The following BSN variants were observed in gnomAD, a reference collection of about 807,000 sequenced individuals.
The protein encoded by BSN is protein bassoon.
BSN carries 57 observed loss-of-function variants against 264.8 expected under a neutral mutation model. The observed-to-expected ratio is 0.22, with a 90% CI of 0.17 to 0.27. The LOEUF (loss-of-function observed/expected upper bound fraction) is 0.27, where lower values mean the gene tolerates loss of function less well. Among genes scored for constraint, BSN ranks in the 10% least tolerant of loss-of-function variants. The pLI is 1.00. For missense variants in BSN, 4,615 were observed against 5,232.5 expected (o/e 0.88, Z 3.64); for synonymous variants, 2,059 against 2,137.3 (o/e 0.96, Z 1.01).
chr3:49,571,532 G>A (rs1183010822), intron 1 of BSN, among the ~76,000 whole-genome samples: 1 of 152,148 alleles, frequency 6.6e-6, no homozygotes, highest in Non-Finnish European at 1.5e-5. Context: ...AAGAGCCCAG[G>A]ACTCATAGGA....
intron 2 of BSN, among the ~76,000 whole-genome samples, chr3:49,630,334 G>A (rs935743803): frequency 2.6e-5 from 4 of 152,248 alleles, no homozygotes; most frequent in African/African-American, 9.6e-5. Context: ...TGGATCTCCA[G>A]GTGGCAGGCC....
At chr3:49,658,248 G>A (rs778166233) in intron 5 of BSN, 52 bp downstream of exon 5, 61 of 1,479,218 alleles carry the variant, frequency 4.1e-5, no homozygotes, top group South Asian at 8.5e-5. Context: ...TGCCTAGCCC[G>A]AGGGGCCCCC....
intron 1 of BSN, among the ~76,000 whole-genome samples, chr3:49,570,950 A>G (rs1430251803): frequency 3.3e-5 from 5 of 152,174 alleles, no homozygotes; most frequent in Non-Finnish European, 7.4e-5. Flanking sequence ...TGTGAAATGG[A>G]GTGGAAGTGA....
intron 1 of BSN, among the ~76,000 whole-genome samples, chr3:49,607,030 G>A (rs1228349115): frequency 1.3e-5 from 2 of 152,164 alleles, no homozygotes; most frequent in Non-Finnish European, 2.9e-5. Context: ...CAGCAGGGCT[G>A]TGCAGACCCC....
chr3:49,652,402 G>A lies in BSN; in HGVS notation c.2846G>A (p.Gly949Asp). The stretch of plus-strand genomic sequence containing the variant: ...AGTTATGGTCATGAGTTGGACCTGG[G>A]CCAAGGCCCAGACCCCAGTCTGGAC... ...TGSYGHELDL[G>D]QGPDPSLDRE... The change falls in exon 5 of 12, where the codon GGC becomes GAC. Residue 949 changes from glycine (G) to aspartate (D), a missense_variant. By Grantham distance (94) the Gly-to-Asp change is moderately conservative. Transcript: ENST00000296452. 1 of 1,609,916 alleles carries A rather than the reference G, an allele frequency of 6.2e-7. No homozygotes were observed. Among genetic ancestry groups the A allele is most frequent in the Non-Finnish European group, 8.5e-7 (1 of 1,178,046 alleles).
chr3:49,603,020 A>G (rs1278426986), intron 1 of BSN, among the ~76,000 whole-genome samples: 1 of 152,212 alleles, frequency 6.6e-6, no homozygotes, highest in East Asian at 1.9e-4. Context: ...CTGGCACTTC[A>G]TGCTTGGCCA....
At chr3:49,568,540 T>G (rs2051772044) in intron 1 of BSN, among the ~76,000 whole-genome samples, 1 of 152,236 alleles carries the variant, frequency 6.6e-6, no homozygotes, top group Non-Finnish European at 1.5e-5. Flanking sequence ...TACCTTTCTT[T>G]TTTATGTAAA....
Position 49,655,540 on chromosome 3 carries a change from A to G in BSN, c.5984A>G (p.Asn1995Ser), listed in dbSNP as rs774448685. ...SDTNLAEAGLNYHAQRIGQLF... is the reference protein window; with the variant it reads ...SDTNLAEAGLSYHAQRIGQLF... ...ACCAATTTGGCTGAGGCTGGCCTCA[A>G]CTACCATGCCCAGAGGATCGGGCAG... Residue 1995 changes from asparagine to serine, a missense_variant, in exon 5 of 12, where the codon AAC becomes AGC. Physicochemically the swap from Asn to Ser is conservative, Grantham distance 46 (BLOSUM62 1). Around this residue, in one of 3 missense-constraint regions of BSN, gnomAD observed 3,415 missense variants for 3,866.4 expected, o/e 0.88. Coordinates refer to ENST00000296452, the MANE Select transcript of BSN (RefSeq NM_003458.4). 39 of 1,612,506 alleles carry G rather than the reference A, an allele frequency of 2.4e-5. No homozygotes were observed. Among genetic ancestry groups the G allele is most frequent in the Non-Finnish European group, 6.8e-6 (8 of 1,179,410 alleles).
intron 1 of BSN, among the ~76,000 whole-genome samples, chr3:49,589,025 C>T (rs1175102701): frequency 6.6e-6 from 1 of 151,574 alleles, no homozygotes; most frequent in African/African-American, 2.4e-5. Context: ...CGCCATTCTC[C>T]TGCCTCAGCC....
rs2052582863 is a variant in BSN at position 49,654,902 on chromosome 3, G to T, written c.5346G>T (p.Gln1782His). 1 of 1,613,118 alleles carries T rather than the reference G, an allele frequency of 6.2e-7. No homozygotes were observed. Among genetic ancestry groups the T allele is most frequent in the Non-Finnish European group, 8.5e-7 (1 of 1,179,726 alleles). ...AQVKQVEQAV[Q>H]TAPYRSGPRG... Reference sequence around the variant, plus strand: ...TCAAACAAGTAGAGCAGGCTGTCCAGACAGCCCCATACCGAAGTGGGCCCC... The same window carrying T: ...TCAAACAAGTAGAGCAGGCTGTCCATACAGCCCCATACCGAAGTGGGCCCC... The change falls in exon 5 of 12, where the codon CAG (glutamine) becomes CAT (histidine). Residue 1782 changes from glutamine to histidine, a missense_variant. By Grantham distance (24) the Gln-to-His change is conservative. Coordinates refer to ENST00000296452, the MANE Select transcript of BSN (RefSeq NM_003458.4). The surrounding 1 kb of genome is among the most constrained non-coding windows in gnomAD (Gnocchi z 4.1).
Position 49,660,533 on chromosome 3 carries a change from A to G in BSN, c.8688A>G (p.Thr2896=), listed in dbSNP as rs753127232. Residue 2896 remains threonine (T), a synonymous_variant, in exon 6 of 12, where the codon ACA becomes ACG. Transcript: ENST00000296452. The surrounding 1 kb of genome is among the most constrained non-coding windows in gnomAD (Gnocchi z 7.1). ...GCCTGGTCCGCAAGGTGAAGCGGACACTGCCCAGCCCCCCTCCAGAGGAGG... is the reference window on the plus strand; with the variant it reads ...GCCTGGTCCGCAAGGTGAAGCGGACGCTGCCCAGCCCCCCTCCAGAGGAGG... ...PNSLVRKVKR[T]LPSPPPEEAH... 1.7e-5 allele frequency: 27 copies of G among 1,559,116 alleles called. No homozygotes were observed. In the South Asian group the frequency reaches 2.7e-4, roughly 15 times the overall value.
At chr3:49,637,150 T>C (rs1397410858) in intron 2 of BSN, among the ~76,000 whole-genome samples, 1 of 152,258 alleles carries the variant, frequency 6.6e-6, no homozygotes, top group Non-Finnish European at 1.5e-5. Flanking sequence ...CTGAGTGATC[T>C]GAAACACTGA....
chr3:49,558,196 C>A (rs2051688772), intron 1 of BSN, among the ~76,000 whole-genome samples: 1 of 152,110 alleles, frequency 6.6e-6, no homozygotes, highest in Non-Finnish European at 1.5e-5. Context: ...GGAAAAATGA[C>A]TGGGTTAAGA....
chr3:49,586,088 A>G (rs1223327775), intron 1 of BSN, among the ~76,000 whole-genome samples: 1 of 152,122 alleles, frequency 6.6e-6, no homozygotes, highest in South Asian at 2.1e-4. Context: ...TTTGCTGTGC[A>G]GAAGCTTTTT....
rs964798317 is a variant in BSN, at chr3:49,669,114, T to G, written c.*1629T>G. 6 of 152,714 alleles carry G rather than the reference T, an allele frequency of 3.9e-5. No homozygotes were observed. The East Asian group carries it at 9.7e-4, about 25-fold the overall frequency. 9.5% of individuals were successfully genotyped at this position (152,714 alleles called of 1,614,324 possible). A position where few individuals can be genotyped will look rare whatever the true frequency, so the allele number is the denominator to read the frequency against. On this transcript the variant is annotated 3_prime_UTR_variant, in exon 12 of 12. Transcript: ENST00000296452. ...ACAGCTCGCAGCCTCTTTGCACGAT[T>G]TCATCCATTTTAAATGCTTGACCCT...
intron 2 of BSN, among the ~76,000 whole-genome samples, chr3:49,633,815 C>T (rs533755137): frequency 2.0e-5 from 3 of 152,166 alleles, no homozygotes; most frequent in Non-Finnish European, 4.4e-5. Flanking sequence ...GGACATTATG[C>T]TAAGTGAAAT....
intron 1 of BSN, among the ~76,000 whole-genome samples, chr3:49,591,997 A>G (rs950454313): frequency 9.9e-5 from 15 of 152,250 alleles, no homozygotes; most frequent in South Asian, 4.1e-4. Context: ...TGAAATATCA[A>G]CACATCTCTC....
chr3:49,660,922 C>T lies in BSN; in HGVS notation c.9077C>T (p.Thr3026Ile), dbSNP rs141830771. The change falls in exon 6 of 12, where the codon ACC (threonine) becomes ATC (isoleucine). Residue 3026 changes from threonine (T) to isoleucine (I), a missense_variant. Transcript: ENST00000296452. The surrounding 1 kb of genome is among the most constrained non-coding windows in gnomAD (Gnocchi z 7.1). ...AACCAGCTGCGGCTCCAGGGCTGCA[C>T]CACTCCCGCTGGCCAGTTTGTGGAC... The part of the protein sequence containing the change: ...ELNQLRLQGC[T>I]TPAGQFVDFP... The T allele has an allele frequency of 6.2e-6, 10 of 1,612,202 alleles. No individual in the cohort carries two copies. The African/African-American group carries it at 1.2e-4, about 19-fold the overall frequency.
At chr3:49,622,790 G>C (rs1329925015) in intron 1 of BSN, among the ~76,000 whole-genome samples, 1 of 152,204 alleles carries the variant, frequency 6.6e-6, no homozygotes, top group Non-Finnish European at 1.5e-5. Flanking sequence ...GCCCAGAGAA[G>C]CCCAGGTTCC....
Sources: gnomAD v4.1 joint callset for allele counts (sites outside exome capture counted in the v4.1 genomes callset) on GRCh38, gnomAD v4.1.1 for gene constraint, gnomAD v4.1.1 regional missense constraint, Gnocchi (gnomAD v3.1) non-coding constraint, MANE v1.5 for transcripts, NCBI Gene and HGNC (gene_info 2026-07-23, HGNC 2026-07-21) for gene names.